Variants in BFSP1 observed in about 807,000 individuals in gnomAD.
BFSP1 encodes the protein beaded filament structural protein 1, also known as filensin.
A neutral mutation model predicts 43.9 loss-of-function variants in BFSP1; 38 were observed. The ratio of observed to expected loss-of-function variants is 0.87; its 90% CI spans 0.67 to 1.14. The LOEUF is 1.14. Among genes scored for constraint, BFSP1 ranks in the 50% most tolerant of loss-of-function variants. The pLI is 0.00. For synonymous variants in BFSP1, 352 were observed against 354.8 expected (o/e 0.99, Z 0.09); for missense variants, 850 against 875.1 (o/e 0.97, Z 0.36).
chr20:17,547,724 C>A (rs1045472869), intron 1 of BFSP1, among the ~76,000 whole-genome samples: 2 of 137,146 alleles, frequency 1.5e-5, no homozygotes, highest in African/African-American at 2.5e-5. Flanking sequence ...TGTTTTTTTT[C>A]TTTTTCTTTC....
chr20:17,500,002 A>T (rs6075216), intron 5 of BFSP1, among the ~76,000 whole-genome samples: 31,318 of 152,180 alleles, frequency 0.21, 3,657 homozygotes, highest in Middle Eastern at 0.29. Flanking sequence ...TTTAATGAAC[A>T]AGCATAAATC....
At chr20:17,561,626 G>A (rs6034852), upstream of BFSP1, among the ~76,000 whole-genome samples, 3,434 of 152,240 alleles carry the variant, frequency 0.023, 102 homozygotes, top group African/African-American at 0.076. Context: ...TGTTCAGACC[G>A]TTTGTGTTTT....
chr20:17,524,871 C>T lies in BFSP1; in HGVS notation c.415G>A (p.Glu139Lys), dbSNP rs1439249829. Residue 139 changes from glutamate (E) to lysine (K), a missense_variant, in exon 2 of 8, where the codon GAA becomes AAA. Physicochemically the swap from Glu to Lys is moderately conservative, Grantham distance 56. Transcript: ENST00000377873. ...ACCTTGTTAAGCCGTTCAAGCATTT[C>T]TTTTAGCAGGAGTTGACATTCGCAC... ...NECECQLLLK[E>K]MLERLNKEAD... is the part of the protein sequence containing the mutation. 1 of 1,614,028 alleles carries T rather than the reference C, an allele frequency of 6.2e-7. No homozygotes were observed. The highest frequency in any genetic ancestry group is 2.2e-5 in the East Asian group (1 of 44,888).
At chr20:17,546,822 G>C (rs140010071) in intron 1 of BFSP1, among the ~76,000 whole-genome samples, 86 of 151,882 alleles carry the variant, frequency 5.7e-4, no homozygotes, top group African/African-American at 2.0e-3. Context: ...TCAGGAGTTC[G>C]AGACCAGCCT....
chr20:17,544,737 G>A (rs549704059), intron 1 of BFSP1, among the ~76,000 whole-genome samples: 21 of 152,234 alleles, frequency 1.4e-4, no homozygotes, highest in African/African-American at 4.8e-4. Flanking sequence ...AATTACAGAT[G>A]TATCTGTTAT....
chr20:17,564,467 T>C (rs527458103), intron 1 of BFSP1, among the ~76,000 whole-genome samples: 11 of 152,226 alleles, frequency 7.2e-5, no homozygotes, highest in Non-Finnish European at 1.3e-4. Context: ...AAGTAAACCA[T>C]ATACACATAC....
chr20:17,516,327 C>A lies in BFSP1; in HGVS notation c.439-1511G>T, dbSNP rs2034199307. On this transcript the variant is annotated intron_variant, in intron 2 of 7. Transcript: ENST00000377873. ...GGGCAAAAAGAGCAAAACTCCATCT[C>A]AAAAAAAATTAATTAATTAATTCAA... 2.0e-5 allele frequency among the ~76,000 whole-genome samples: 3 copies of A among 151,736 alleles called. 1 individual carries two copies. The highest frequency in any genetic ancestry group is 4.2e-4 in the South Asian group (2 of 4,808).
At chr20:17,564,947 T>C (rs985089976) in intron 1 of BFSP1, among the ~76,000 whole-genome samples, 1 of 151,832 alleles carries the variant, frequency 6.6e-6, no homozygotes, top group Non-Finnish European at 1.5e-5. Flanking sequence ...TTTTTTTTTT[T>C]TTGAGATGGA....
chr20:17,494,033 A>G lies in BFSP1; in HGVS notation c.*41T>C. 6.6e-7 allele frequency: 1 copy of G among 1,518,402 alleles called. No homozygotes were observed. Among genetic ancestry groups the G allele is most frequent in the Non-Finnish European group, 9.0e-7 (1 of 1,112,466 alleles). 94.1% of individuals were successfully genotyped at this position (1,518,402 alleles called of 1,614,324 possible). A position where few individuals can be genotyped will look rare whatever the true frequency, so the allele number is the denominator to read the frequency against. Reference sequence around the variant, plus strand: ...TAAAATATCAAAGCATTACCCCTACAGTGGCCCCAAATACATTTTATCCCA... The same window carrying G: ...TAAAATATCAAAGCATTACCCCTACGGTGGCCCCAAATACATTTTATCCCA... On this transcript the variant is annotated 3_prime_UTR_variant, in exon 8 of 8. Coordinates refer to ENST00000377873, the MANE Select transcript of BFSP1 (RefSeq NM_001195.5).
intron 2 of BFSP1, among the ~76,000 whole-genome samples, chr20:17,520,477 TA>T (rs1385161526): frequency 6.6e-6 from 1 of 152,208 alleles, no homozygotes; most frequent in Admixed American, 6.5e-5. Context: ...TTAAGTTCAT[TA>T]AGAGTTCTAG....
chr20:17,555,351 CCAAA>C (rs2034974910), intron 1 of BFSP1, among the ~76,000 whole-genome samples: 1 of 150,166 alleles, frequency 6.7e-6, no homozygotes, highest in African/African-American at 2.5e-5. Context: ...AAAGGAATGC[CCAAA>C]CAATTACAGA....
upstream of BFSP1, among the ~76,000 whole-genome samples, chr20:17,561,262 G>A (rs1376273080): frequency 2.6e-5 from 4 of 152,222 alleles, no homozygotes; most frequent in African/African-American, 9.6e-5. Context: ...ACTTTGGGAA[G>A]CCAAGGCAGG....
At chr20:17,517,345 C>G in intron 2 of BFSP1, 1 of 993,358 alleles carries the variant, frequency 1.0e-6, no homozygotes, top group Non-Finnish European at 1.6e-6. Context: ...AACTAACAAA[C>G]AAAACAAAAC....
At chr20:17,497,497 T>C (rs1024086010) in intron 6 of BFSP1, among the ~76,000 whole-genome samples, 4 of 146,752 alleles carry the variant, frequency 2.7e-5, no homozygotes, top group South Asian at 2.1e-4. Context: ...TATATATATA[T>C]ACACGTATAT....
At chr20:17,531,781 T>A (rs1330514542), upstream of BFSP1, among the ~76,000 whole-genome samples, 1 of 152,150 alleles carries the variant, frequency 6.6e-6, no homozygotes, top group Non-Finnish European at 1.5e-5. Context: ...TAGAACTCTT[T>A]AACAATGCCA....
At chr20:17,548,981 A>T (rs564816263) in intron 1 of BFSP1, among the ~76,000 whole-genome samples, 87 of 151,834 alleles carry the variant, frequency 5.7e-4, no homozygotes, top group Non-Finnish European at 1.1e-3. Context: ...CTAGTTTTTA[A>T]ATTATTTTTT....
At chr20:17,495,411 C>T (rs992027024) in intron 7 of BFSP1, among the ~76,000 whole-genome samples, 10 of 152,244 alleles carry the variant, frequency 6.6e-5, no homozygotes, top group Admixed American at 2.0e-4. Context: ...TCACAGCAGA[C>T]ACTTGGATCC....
At chr20:17,568,893 T>C (rs1235010147) in intron 1 of BFSP1, among the ~76,000 whole-genome samples, 2 of 152,170 alleles carry the variant, frequency 1.3e-5, no homozygotes, top group African/African-American at 2.4e-5. Context: ...CTCGGTAACC[T>C]AAATTAATTT....
At chr20:17,515,923 A>C (rs1387682404) in intron 2 of BFSP1, among the ~76,000 whole-genome samples, 2 of 152,244 alleles carry the variant, frequency 1.3e-5, no homozygotes, top group African/African-American at 4.8e-5. Context: ...ACTCGCATGA[A>C]CAGAGTTATG....
Sources: gnomAD v4.1 joint callset for allele counts (sites outside exome capture counted in the v4.1 genomes callset) on GRCh38, gnomAD v4.1.1 for gene constraint, MANE v1.5 for transcripts, NCBI Gene and HGNC (gene_info 2026-07-23, HGNC 2026-07-21) for gene names.